The following COLGALT2 variants were observed in gnomAD, a reference collection of about 807,000 sequenced individuals.
COLGALT2 encodes collagen beta(1-O)galactosyltransferase 2.
In COLGALT2, 49 loss-of-function variants were observed where a neutral mutation model predicts 73.4. The ratio of observed to expected loss-of-function variants is 0.67; its 90% CI spans 0.53 to 0.85. The LOEUF (loss-of-function observed/expected upper bound fraction) is 0.85, where lower values mean the gene tolerates loss of function less well. Among genes scored for constraint, COLGALT2 ranks in the 40% least tolerant of loss-of-function variants. The pLI is 0.00. For synonymous variants in COLGALT2, 295 were observed against 307.6 expected, an observed-to-expected ratio of 0.96 and a Z score of 0.43; for missense variants, 722 against 790.2, an observed-to-expected ratio of 0.91 and a Z score of 1.03.
chr1:183,958,082 G>A (rs555817847), intron 6 of COLGALT2, among the ~76,000 whole-genome samples: 14 of 151,982 alleles, frequency 9.2e-5, no homozygotes, highest in Admixed American at 2.6e-4. Context: ...TTCATCTCCC[G>A]AAGGCAGCAC....
chr1:184,005,369 T>G (rs1672044397), intron 1 of COLGALT2, among the ~76,000 whole-genome samples: 1 of 152,220 alleles, frequency 6.6e-6, no homozygotes, highest in South Asian at 2.1e-4. Flanking sequence ...CTCTCCTAGT[T>G]GCTAAGTTGC....
intron 1 of COLGALT2, among the ~76,000 whole-genome samples, chr1:183,997,840 A>G (rs1671811619): frequency 6.6e-6 from 1 of 152,236 alleles, no homozygotes; most frequent in African/African-American, 2.4e-5. Context: ...TTTTATCTGT[A>G]GTTGATAAAT....
At position 183,944,219 on chromosome 1, in the gene COLGALT2, C is replaced by T; in HGVS notation, c.1374G>A (p.Gln458=). 6.2e-7 allele frequency: 1 copy of T among 1,613,442 alleles called. No individual in the cohort carries two copies. Among genetic ancestry groups the T allele is most frequent in the Non-Finnish European group, 8.5e-7 (1 of 1,179,812 alleles). ...ACATCAGTTCCCAGTCCAGCTGAGC[C>T]TGGTCAATGTTATCCATCAGCTTCA... ...KLMKLMDNID[Q]AQLDWELIYI... The change falls in exon 10 of 12, where the codon CAG becomes CAA. Residue 458 remains glutamine (Q), a synonymous_variant. Coordinates refer to ENST00000361927, the MANE Select transcript of COLGALT2 (RefSeq NM_015101.4).
intron 2 of COLGALT2, among the ~76,000 whole-genome samples, chr1:183,976,410 A>G (rs917248496): frequency 2.4e-4 from 36 of 150,010 alleles, no homozygotes; most frequent in African/African-American, 8.8e-4. Context: ...ATTCTTACAT[A>G]TAGAAAGACT....
At chr1:183,944,634 A>C (rs918887302) in intron 9 of COLGALT2, among the ~76,000 whole-genome samples, 4 of 152,158 alleles carry the variant, frequency 2.6e-5, no homozygotes, top group Non-Finnish European at 5.9e-5. Flanking sequence ...ATGCCTTTAG[A>C]AGTCAGGATG....
At chr1:184,021,669 C>T (rs1407249075) in intron 1 of COLGALT2, among the ~76,000 whole-genome samples, 1 of 152,090 alleles carries the variant, frequency 6.6e-6, no homozygotes, top group African/African-American at 2.4e-5. Flanking sequence ...TATAGCAGCA[C>T]AAAACAGACT....
chr1:184,026,876 ATG>A (rs1178902052), intron 1 of COLGALT2, among the ~76,000 whole-genome samples: 1 of 152,190 alleles, frequency 6.6e-6, no homozygotes, highest in African/African-American at 2.4e-5. Flanking sequence ...GTACTCTAAG[ATG>A]TTCATTAGTA....
chr1:183,978,608 G>A, intron 1 of COLGALT2, 88 bp from the exon 2 acceptor site: 1 of 702,468 alleles, frequency 1.4e-6, no homozygotes, highest in Non-Finnish European at 2.3e-6. Context: ...ACTGAAAGAA[G>A]AATGGCTACT....
chr1:183,967,096 T>C (rs967367040), intron 5 of COLGALT2, among the ~76,000 whole-genome samples: 1 of 152,226 alleles, frequency 6.6e-6, no homozygotes, highest in Admixed American at 6.5e-5. Flanking sequence ...GGGCTGCACA[T>C]GACTCCCAGG....
At chr1:183,940,917 A>T in intron 10 of COLGALT2, 130 bp from the exon 11 acceptor site, 2 of 804,330 alleles carry the variant, frequency 2.5e-6, no homozygotes, top group Non-Finnish European at 4.1e-6. Flanking sequence ...TAAATGATGT[A>T]TCACATCCAA....
At chr1:183,991,261 G>A (rs1671621557) in intron 1 of COLGALT2, among the ~76,000 whole-genome samples, 1 of 152,098 alleles carries the variant, frequency 6.6e-6, no homozygotes, top group African/African-American at 2.4e-5. Context: ...AAATAAAGTG[G>A]TTATATTTAT....
At chr1:183,978,623 G>GAA (rs3833521) in intron 1 of COLGALT2, 103 bp from the exon 2 acceptor site, 220 of 549,220 alleles carry the variant, frequency 4.0e-4, no homozygotes, top group South Asian at 5.8e-4. Context: ...GCTACTCCTG[G>GAA]AAAAAAAATT....
Position 183,944,181 on chromosome 1 carries a change from C to A in COLGALT2, c.1397+15G>T. 1.9e-6 allele frequency: 3 copies of A among 1,605,114 alleles called. No individual in the cohort carries two copies. The highest frequency in any genetic ancestry group is 2.5e-6 in the Non-Finnish European group (3 of 1,176,606). The stretch of plus-strand genomic sequence containing the variant: ...GCCTCTCAGAGCCCTCTCGTAAGAT[C>A]ATCTTGTCACTCACATCAGTTCCCA... On this transcript the variant is annotated intron_variant, in intron 10 of 11. Coordinates refer to ENST00000361927, the MANE Select transcript of COLGALT2 (RefSeq NM_015101.4).
chr1:183,972,890 G>A (rs978463762), intron 4 of COLGALT2, among the ~76,000 whole-genome samples: 1 of 152,068 alleles, frequency 6.6e-6, no homozygotes, highest in Admixed American at 6.5e-5. Context: ...TAGTAGAGAT[G>A]AGGTTTCACC....
intron 1 of COLGALT2, among the ~76,000 whole-genome samples, chr1:183,991,040 T>C (rs1168479725): frequency 6.6e-6 from 1 of 152,264 alleles, no homozygotes; most frequent in Non-Finnish European, 1.5e-5. Flanking sequence ...TGTGCTGGCC[T>C]ATTTTATTCA....
At chr1:184,013,922 A>G (rs2102849517) in intron 1 of COLGALT2, among the ~76,000 whole-genome samples, 1 of 152,306 alleles carries the variant, frequency 6.6e-6, no homozygotes, top group East Asian at 1.9e-4. Context: ...GGAGAGGTCC[A>G]TGTTTCTGTT....
At chr1:183,986,824 C>T (rs1671502356) in intron 1 of COLGALT2, among the ~76,000 whole-genome samples, 1 of 152,096 alleles carries the variant, frequency 6.6e-6, no homozygotes, top group Admixed American at 6.6e-5. Flanking sequence ...ATGATTTGCT[C>T]AAGTCATGCA....
At chr1:183,984,158 C>T (rs1471021705) in intron 1 of COLGALT2, among the ~76,000 whole-genome samples, 1 of 152,222 alleles carries the variant, frequency 6.6e-6, no homozygotes. Context: ...CCTGTAATCC[C>T]AGCACTTTGG....
At chr1:183,943,019 G>C (rs999587470) in intron 10 of COLGALT2, among the ~76,000 whole-genome samples, 1 of 152,202 alleles carries the variant, frequency 6.6e-6, no homozygotes, top group African/African-American at 2.4e-5. Context: ...CACAGGCTGC[G>C]GAGCCATCCA....
Sources: allele counts gnomAD v4.1 joint callset (sites outside exome capture counted in the v4.1 genomes callset), GRCh38; gene constraint gnomAD v4.1.1; transcripts MANE v1.5; gene names NCBI Gene and HGNC (gene_info 2026-07-23, HGNC 2026-07-21).